The following CSMD1 variants were observed in gnomAD, a reference collection of about 807,000 sequenced individuals.
The protein encoded by CSMD1 is CUB and sushi domain-containing protein 1.
In CSMD1, 213 loss-of-function variants were observed where a neutral mutation model predicts 417.5. The observed-to-expected ratio is 0.51, with a 90% CI of 0.46 to 0.57. The LOEUF (loss-of-function observed/expected upper bound fraction) is 0.57. Ranked by LOEUF, CSMD1 falls within the 20% of genes least tolerant of loss-of-function variation. The pLI is 0.00. For synonymous variants in CSMD1, 2,862 were observed against 1,736.8 expected (o/e 1.65, Z -16.11); for missense variants, 6,923 against 4,529.7 (o/e 1.53, Z -15.17).
At chr8:3,789,098 G>A (rs1189475997) in intron 5 of CSMD1, among the ~76,000 whole-genome samples, 1 of 152,176 alleles carries the variant, frequency 6.6e-6, no homozygotes, top group East Asian at 1.9e-4. Flanking sequence ...GGGGGGATTA[G>A]GTGGTACAGC....
chr8:3,227,844 T>C (rs1293278469), intron 27 of CSMD1, among the ~76,000 whole-genome samples: 2 of 151,888 alleles, frequency 1.3e-5, no homozygotes, highest in African/African-American at 4.8e-5. Context: ...CTTGGCTCAC[T>C]GCAACTTCTA....
intron 23 of CSMD1, among the ~76,000 whole-genome samples, chr8:3,309,111 A>G (rs77143856): frequency 0.013 from 1,975 of 151,712 alleles, 41 homozygotes; most frequent in African/African-American, 0.045. Context: ...GTGAGCCCCA[A>G]TGCCCTCTAG....
At chr8:3,064,232 G>A (rs1281368841) in intron 49 of CSMD1, among the ~76,000 whole-genome samples, 3 of 152,140 alleles carry the variant, frequency 2.0e-5, no homozygotes, top group African/African-American at 7.2e-5. Context: ...ATATGATTTG[G>A]ATTTGTGTAC....
At chr8:3,112,360 T>A (rs1318815348) in intron 42 of CSMD1, among the ~76,000 whole-genome samples, 1 of 152,180 alleles carries the variant, frequency 6.6e-6, no homozygotes, top group Admixed American at 6.5e-5. Context: ...ATCTTGTAGT[T>A]ACATAACCAC....
intron 1 of CSMD1, among the ~76,000 whole-genome samples, chr8:4,867,196 T>C (rs564940543): frequency 1.3e-5 from 2 of 152,174 alleles, no homozygotes; most frequent in South Asian, 2.1e-4. Flanking sequence ...AAATGGTGCA[T>C]CGTTCCAATC....
At chr8:4,144,168 G>C (rs868859555) in intron 3 of CSMD1, among the ~76,000 whole-genome samples, 1 of 151,008 alleles carries the variant, frequency 6.6e-6, no homozygotes, top group African/African-American at 2.5e-5. Context: ...GCTTTGGGAA[G>C]ACAGCACGAA....
intron 20 of CSMD1, among the ~76,000 whole-genome samples, chr8:3,364,071 T>G (rs1436082891): frequency 6.6e-6 from 1 of 152,166 alleles, no homozygotes; most frequent in East Asian, 1.9e-4. Context: ...TATAAAAGCA[T>G]ATGAATACCA....
intron 1 of CSMD1, among the ~76,000 whole-genome samples, chr8:4,737,275 A>C (rs750318743): frequency 3.9e-5 from 6 of 152,102 alleles, no homozygotes; most frequent in Non-Finnish European, 7.4e-5. Context: ...TATAAGTGGG[A>C]GCTAACTGAT....
intron 5 of CSMD1, among the ~76,000 whole-genome samples, chr8:3,816,003 A>G (rs2129079801): frequency 6.6e-6 from 1 of 152,332 alleles, no homozygotes; most frequent in East Asian, 1.9e-4. Flanking sequence ...CATCAAACTT[A>G]AAAATGGCAG....
intron 3 of CSMD1, among the ~76,000 whole-genome samples, chr8:4,319,518 TAAAC>T (rs1300497129): frequency 1.4e-4 from 22 of 151,984 alleles, no homozygotes; most frequent in Admixed American, 4.6e-4. Context: ...GAGCAGAAAA[TAAAC>T]AAACAAACAA....
At chr8:4,175,488 T>G (rs1797991087) in intron 3 of CSMD1, among the ~76,000 whole-genome samples, 1 of 152,196 alleles carries the variant, frequency 6.6e-6, no homozygotes, top group Non-Finnish European at 1.5e-5. Context: ...TAAATATATT[T>G]TCTTAAAACA....
chr8:4,812,081 C>A (rs1041636965), intron 1 of CSMD1, among the ~76,000 whole-genome samples: 2 of 152,124 alleles, frequency 1.3e-5, no homozygotes, highest in Non-Finnish European at 1.5e-5. Flanking sequence ...TTGACATCAT[C>A]GAAAATTCCT....
rs553880089 is a variant in CSMD1 at position 4,165,846 on chromosome 8, T to C, written c.416-133747A>G. 5.9e-5 allele frequency among the ~76,000 whole-genome samples: 9 copies of C among 152,352 alleles called. No homozygotes were observed. In the South Asian group the frequency reaches 1.2e-3, roughly 21 times the overall value. ...GTTGTTGCAAAACTAATTGCGTTTT[T>C]TGCCATTGAAAGTAAAAGCAAATTA... On this transcript the variant is annotated intron_variant, in intron 3 of 69. Coordinates refer to ENST00000635120, the MANE Select transcript of CSMD1 (RefSeq NM_033225.6).
chr8:3,748,629 C>G (rs1339088072), intron 6 of CSMD1, among the ~76,000 whole-genome samples: 2 of 152,206 alleles, frequency 1.3e-5, no homozygotes, highest in Admixed American at 1.3e-4. Context: ...AGATAGAGCT[C>G]TGGAAACTGC....
At chr8:4,329,459 T>C (rs1174807671) in intron 3 of CSMD1, among the ~76,000 whole-genome samples, 1 of 152,144 alleles carries the variant, frequency 6.6e-6, no homozygotes, top group Non-Finnish European at 1.5e-5. Flanking sequence ...GGCTAATTTT[T>C]GTATTTTCAG....
At chr8:4,523,496 G>A (rs1268200713) in intron 2 of CSMD1, among the ~76,000 whole-genome samples, 7 of 152,088 alleles carry the variant, frequency 4.6e-5, no homozygotes, top group African/African-American at 7.2e-5. Flanking sequence ...GAGGAGTGTA[G>A]GATGGCTGTT....
chr8:2,958,366 C>T (rs1056245971), intron 62 of CSMD1, among the ~76,000 whole-genome samples: 1 of 152,154 alleles, frequency 6.6e-6, no homozygotes, highest in Non-Finnish European at 1.5e-5. Flanking sequence ...ACTGCACATC[C>T]GCTGCAGATT....
At chr8:3,622,517 CA>C (rs1309009372) in intron 7 of CSMD1, among the ~76,000 whole-genome samples, 3 of 152,094 alleles carry the variant, frequency 2.0e-5, no homozygotes, top group Admixed American at 6.5e-5. Context: ...CCAAGTTGGG[CA>C]AAAACACTCT....
chr8:3,980,692 GA>G lies in CSMD1; in HGVS notation c.818+17210del, dbSNP rs773575159. Among the ~76,000 whole-genome samples the G allele has an allele frequency of 2.7e-4, 41 of 152,252 alleles. No homozygotes were observed. In the East Asian group the frequency reaches 6.6e-3, roughly 24 times the overall value. On this transcript the variant is annotated intron_variant, in intron 5 of 69. Coordinates refer to ENST00000635120, the MANE Select transcript of CSMD1 (RefSeq NM_033225.6). The stretch of plus-strand genomic sequence containing the variant: ...GGTTTCTGCCTATTGAGAATCTGGA[GA>G]ATTTAAAAGAACGATGTGACAAGAA...
Sources: allele counts gnomAD v4.1 joint callset (sites outside exome capture counted in the v4.1 genomes callset), GRCh38; gene constraint gnomAD v4.1.1; transcripts MANE v1.5; gene names NCBI Gene and HGNC (gene_info 2026-07-23, HGNC 2026-07-21).